The following SKI variants were observed in gnomAD, a reference collection of about 807,000 sequenced individuals.
SKI encodes SKI proto-oncogene.
In SKI, 23 loss-of-function variants were observed where a neutral mutation model predicts 59.3. The ratio of observed to expected loss-of-function variants is 0.39; its 90% confidence interval spans 0.28 to 0.55. The LOEUF (loss-of-function observed/expected upper bound fraction) is 0.55. Ranked by LOEUF, SKI falls within the 20% of genes least tolerant of loss-of-function variation. The pLI, the probability that SKI is intolerant of heterozygous loss-of-function variation, is 0.67. For missense variants in SKI, 1,017 were observed against 1,038.9 expected (o/e 0.98, Z 0.29); for synonymous variants, 673 against 488.6 (o/e 1.38, Z -4.98).
intron 1 of SKI, among the ~76,000 whole-genome samples, chr1:2,271,167 C>T (rs575400483): frequency 1.3e-5 from 2 of 152,206 alleles, no homozygotes; most frequent in African/African-American, 2.4e-5. Flanking sequence ...CCCAGGGTCC[C>T]GGGACAGTCC....
rs3765930 is a variant in SKI, at chr1:2,230,051, C to T, written c.969+316C>T. On this transcript the variant is annotated intron_variant, in intron 1 of 6. Transcript: ENST00000378536. ...TGCCCAGATAGGAAGGCACAGGCCT[C>T]ATGCTCCCGAGAAAGCGGCCTGCCC... Among the ~76,000 whole-genome samples the T allele has an allele frequency of 0.21, 31,558 of 152,182 alleles. 3,736 individuals are homozygous for T. The highest frequency in any genetic ancestry group is 0.32 in the African/African-American group (13,347 of 41,508).
At chr1:2,258,439 TAA>T (rs1392037633) in intron 1 of SKI, among the ~76,000 whole-genome samples, 1 of 151,496 alleles carries the variant, frequency 6.6e-6, no homozygotes, top group East Asian at 1.9e-4. Context: ...TTGTGTTTTT[TAA>T]AAAGAGTTGA....
intron 1 of SKI, among the ~76,000 whole-genome samples, chr1:2,282,460 G>A (rs998169187): frequency 1.8e-5 from 2 of 113,656 alleles, no homozygotes; most frequent in Non-Finnish European, 1.9e-5. Context: ...TCAGAGAGAG[G>A]ACGCCTGAGA....
chr1:2,303,801 G>C lies in SKI; in HGVS notation c.1212-39G>C, dbSNP rs762654532. On this transcript the variant is annotated intron_variant, in intron 3 of 6. Coordinates refer to ENST00000378536, the MANE Select transcript of SKI (RefSeq NM_003036.4). The surrounding 1 kb of genome is among the most constrained non-coding windows in gnomAD (Gnocchi z 5.6). The stretch of plus-strand genomic sequence containing the variant: ...CAGGATGTGTCTGGGTGGTGCTTGG[G>C]GACAGAGGCACCTTCCCGACACCCG... 1.8e-5 allele frequency: 29 copies of C among 1,609,698 alleles called. No individual in the cohort carries two copies. The highest frequency in any genetic ancestry group is 2.4e-5 in the Non-Finnish European group (28 of 1,179,000).
chr1:2,302,518 C>A (rs1211656094), intron 1 of SKI, among the ~76,000 whole-genome samples: 1 of 152,148 alleles, frequency 6.6e-6, no homozygotes. Flanking sequence ...GAGTGGCTCT[C>A]GCCGTGCTGT....
chr1:2,279,309 A>G (rs1203598390), intron 1 of SKI, among the ~76,000 whole-genome samples: 1 of 152,238 alleles, frequency 6.6e-6, no homozygotes, highest in Non-Finnish European at 1.5e-5. Flanking sequence ...CGTGCCCAGC[A>G]GAGACCACCC....
At chr1:2,235,378 G>C (rs372515967) in intron 1 of SKI, among the ~76,000 whole-genome samples, 3 of 152,308 alleles carry the variant, frequency 2.0e-5, no homozygotes, top group African/African-American at 4.8e-5. Context: ...GGCATCCCCG[G>C]GGTCTGCGGG....
intron 1 of SKI, among the ~76,000 whole-genome samples, chr1:2,233,037 C>A (rs1480751834): frequency 6.6e-6 from 1 of 152,156 alleles, no homozygotes; most frequent in East Asian, 1.9e-4. Context: ...GAGACGGAGA[C>A]AAAATGTGGC....
intron 1 of SKI, among the ~76,000 whole-genome samples, chr1:2,286,221 G>A (rs1174390427): frequency 6.6e-6 from 1 of 152,224 alleles, no homozygotes; most frequent in African/African-American, 2.4e-5. Flanking sequence ...GCAAATGCAG[G>A]TCGGGTGCAG....
At chr1:2,293,342 T>G (rs896231953) in intron 1 of SKI, among the ~76,000 whole-genome samples, 7 of 151,620 alleles carry the variant, frequency 4.6e-5, no homozygotes, top group African/African-American at 1.7e-4. Flanking sequence ...GGGCCCTGAG[T>G]GGTGTTGCCC....
rs570830291 is a variant in SKI at position 2,245,722 on chromosome 1, C to T, written c.969+15987C>T. 5.9e-5 allele frequency among the ~76,000 whole-genome samples: 9 copies of T among 151,370 alleles called. No homozygotes were observed. In the East Asian group the frequency reaches 1.4e-3, roughly 23 times the overall value. ...AATTCTTGACCTTATGTGACCTGCC[C>T]GCCTTGGCCTCCTAAAGTGCTGGGA... On this transcript the variant is annotated intron_variant, in intron 1 of 6. Coordinates refer to ENST00000378536, the MANE Select transcript of SKI (RefSeq NM_003036.4).
chr1:2,304,162 AG>A, intron 4 of SKI, 60 bp downstream of exon 4: 5 of 1,602,050 alleles, frequency 3.1e-6, no homozygotes, highest in South Asian at 2.2e-5. Flanking sequence ...GCACTGGCTG[AG>A]GGGGGCTGGT....
At chr1:2,265,870 AGGTGGGAGGATCATTTGAACCCGGGAG>A (rs1343550900) in intron 1 of SKI, among the ~76,000 whole-genome samples, 1 of 152,102 alleles carries the variant, frequency 6.6e-6, no homozygotes, top group African/African-American at 2.4e-5. Flanking sequence ...CAGGAGGCTG[AGGTGGGAGGATCATTTGAACCCGGGAG>A]GTGGAGGTTG....
In SKI at chr1:2,252,227, C is replaced by T. The variant is rs548101872; in HGVS notation, c.969+22492C>T. Among the ~76,000 whole-genome samples, 15 of 152,176 alleles carry T rather than the reference C, an allele frequency of 9.9e-5. No individual in the cohort carries two copies. The South Asian group carries it at 1.0e-3, about 10-fold the overall frequency. On this transcript the variant is annotated intron_variant, in intron 1 of 6. Coordinates refer to ENST00000378536, the MANE Select transcript of SKI (RefSeq NM_003036.4). ...AAGTTTTCAAAAGTCTTGTAAAGAA[C>T]GGGTCCATTCATTTTTAGCTGCTCC...
At position 2,278,819 on chromosome 1, in the gene SKI, G is replaced by A. The variant is rs186624158; in HGVS notation, c.970-24159G>A. ...GGGCAGGCAGCACCCATGCGCACAC[G>A]TGCACACAGGCCGTGAGCACTGCCC... On this transcript the variant is annotated intron_variant, in intron 1 of 6. Coordinates refer to ENST00000378536, the MANE Select transcript of SKI (RefSeq NM_003036.4). Among the ~76,000 whole-genome samples, 1,343 of 152,246 alleles carry A rather than the reference G, an allele frequency of 8.8e-3. 32 individuals carry two copies. The highest frequency in any genetic ancestry group is 0.011 in the Non-Finnish European group (724 of 68,018).
chr1:2,303,677 AGAAAACGCTTACGG>A lies in SKI; in HGVS notation c.1212-161_1212-148del, dbSNP rs1640484390. 1.0e-6 allele frequency: 1 copy of A among 1,000,242 alleles called. No homozygotes were observed. The highest frequency in any genetic ancestry group is 2.2e-5 in the Admixed American group (1 of 44,732). The allele number at this position is 1,000,242 out of a possible 1,614,324, so 62.0% of individuals were successfully genotyped here. A position where few individuals can be genotyped will look rare whatever the true frequency, so the allele number is the denominator to read the frequency against. ...GGCCTTCGCAAGAGACCCAGCAAGC[AGAAAACGCTTACGG>A]GTTCTTAGGGAACTGTAAGCTTGAC... On this transcript the variant is annotated intron_variant, in intron 3 of 6. Transcript: ENST00000378536. This position sits in a 1 kb window ranked among gnomAD's most constrained non-coding sequence, Gnocchi z 5.6.
chr1:2,288,284 G>A (rs1640088620), intron 1 of SKI, among the ~76,000 whole-genome samples: 1 of 151,964 alleles, frequency 6.6e-6, no homozygotes, highest in Non-Finnish European at 1.5e-5. Flanking sequence ...ACCATTCCCA[G>A]CTAATTTTTG....
chr1:2,240,532 C>A, intron 1 of SKI: 1 of 985,366 alleles, frequency 1.0e-6, no homozygotes, highest in Non-Finnish European at 1.2e-6. Context: ...GGCAAGGCTG[C>A]GGGACTGGGA....
chr1:2,238,596 G>A (rs1272903193), intron 1 of SKI, among the ~76,000 whole-genome samples: 1 of 152,210 alleles, frequency 6.6e-6, no homozygotes. Context: ...GTGAGGGTGA[G>A]CGTGGGGTCT....
Sources: allele counts gnomAD v4.1 joint callset (sites outside exome capture counted in the v4.1 genomes callset), GRCh38; gene constraint gnomAD v4.1.1; non-coding constraint Gnocchi (gnomAD v3.1); transcripts MANE v1.5; gene names NCBI Gene and HGNC (gene_info 2026-07-23, HGNC 2026-07-21).